The following PWWP3A variants were observed in gnomAD, a reference collection of about 807,000 sequenced individuals.
The protein encoded by PWWP3A is PWWP domain-containing DNA repair factor 3A.
In PWWP3A, 53 loss-of-function variants were observed where a neutral mutation model predicts 79.0. The observed-to-expected ratio is 0.67, with a 90% confidence interval of 0.54 to 0.84. The LOEUF is 0.84. PWWP3A is among the 40% of genes least tolerant of loss of function. The pLI is 0.00. For synonymous variants in PWWP3A, 443 were observed against 394.4 expected (o/e 1.12, Z -1.46); for missense variants, 973 against 948.0 (o/e 1.03, Z -0.35).
chr19:1,363,577 C>T (rs1252385075), intron 6 of PWWP3A, among the ~76,000 whole-genome samples: 2 of 152,230 alleles, frequency 1.3e-5, no homozygotes, highest in South Asian at 2.1e-4. Context: ...GAGGCTGGTG[C>T]TGCCTGGCTT....
At chr19:1,356,492 TTCGGGTGACAA>T in intron 2 of PWWP3A, 43 bp downstream of exon 2, 1 of 1,591,468 alleles carries the variant, frequency 6.3e-7, no homozygotes, top group Non-Finnish European at 8.6e-7. Context: ...AGAAATGACT[TTCGGGTGACAA>T]GTAAAATCTT....
At chr19:1,356,640 CT>C (rs957637541) in intron 2 of PWWP3A, among the ~76,000 whole-genome samples, 191 bp downstream of exon 2, 12 of 132,600 alleles carry the variant, frequency 9.0e-5, no homozygotes, top group South Asian at 2.4e-4. Flanking sequence ...CCAGAAATGT[CT>C]TTTTTTTTTC....
chr19:1,366,747 CT>C (rs2082137513), intron 8 of PWWP3A, among the ~76,000 whole-genome samples: 1 of 152,266 alleles, frequency 6.6e-6, no homozygotes, highest in Non-Finnish European at 1.5e-5. Flanking sequence ...GAGTTTGCCC[CT>C]GGGTTACCTG....
In PWWP3A at chr19:1,368,361, T is replaced by C. The variant is rs1023832172; in HGVS notation, c.1423-904T>C. ...GAGAGCACAGGGTGCCCGCTTCTTC[T>C]TCCTAAGAGTGCGCTCACATCTGCT... On this transcript the variant is annotated intron_variant, in intron 9 of 13. Transcript: ENST00000591337. The surrounding 1 kb of genome is among the most constrained non-coding windows in gnomAD (Gnocchi z 4.7). Among the ~76,000 whole-genome samples the C allele has an allele frequency of 2.0e-5, 3 of 152,148 alleles. No individual in the cohort carries two copies. Among genetic ancestry groups the C allele is most frequent in the African/African-American group, 7.2e-5 (3 of 41,422 alleles).
intron 6 of PWWP3A, 121 bp downstream of exon 6, chr19:1,362,472 C>T: frequency 1.4e-6 from 1 of 710,534 alleles, no homozygotes; most frequent in Non-Finnish European, 2.3e-6. Flanking sequence ...CATTTCTCTC[C>T]CACTGAACCG....
Position 1,360,646 on chromosome 19 carries a change from A to G in PWWP3A, c.725A>G (p.Asp242Gly). 6.2e-7 allele frequency: 1 copy of G among 1,613,410 alleles called. No individual in the cohort carries two copies. Among genetic ancestry groups the G allele is most frequent in the Non-Finnish European group, 8.5e-7 (1 of 1,179,528 alleles). ...CTTTCAGAGGACGACACGGAGAGAGACATGGGGAGCAAAGGAGGCAGCTGG... is the reference window on the plus strand; with the variant it reads ...CTTTCAGAGGACGACACGGAGAGAGGCATGGGGAGCAAAGGAGGCAGCTGG... ...SSLSEDDTERDMGSKGGSWAA... is the reference protein window; with the variant it reads ...SSLSEDDTERGMGSKGGSWAA... Residue 242 changes from aspartate to glycine, a missense_variant, in exon 5 of 14, where the codon GAC (aspartate) becomes GGC (glycine). Asp to Gly is a moderately conservative substitution (Grantham distance 94). Coordinates refer to ENST00000591337, the MANE Select transcript of PWWP3A (RefSeq NM_001369789.1). The surrounding 1 kb of genome is among the most constrained non-coding windows in gnomAD (Gnocchi z 4.4).
chr19:1,372,010 TG>T (rs1172845388), intron 12 of PWWP3A: 1 of 153,242 alleles, frequency 6.5e-6, no homozygotes, highest in Non-Finnish European at 1.5e-5. Flanking sequence ...TTCACCATGT[TG>T]GCCAGGATGA....
At position 1,376,581 on chromosome 19, in the gene PWWP3A, G is replaced by GCAGC. The variant is rs762622833; in HGVS notation, c.*7_*10dup. 47 of 1,613,276 alleles carry GCAGC rather than the reference G, an allele frequency of 2.9e-5. 1 individual carries two copies. In the Middle Eastern group the frequency reaches 1.5e-3, roughly 51 times the overall value. Reference sequence around the variant, plus strand: ...CGGAACCGGCGCCGTCGGTGAGGGAGCAGCCGGCTGTGCTGTCAGCGGGGC... The same window carrying GCAGC: ...CGGAACCGGCGCCGTCGGTGAGGGAGCAGCCAGCCGGCTGTGCTGTCAGCGGGGC... On this transcript the variant is annotated 3_prime_UTR_variant, in exon 14 of 14. Coordinates refer to ENST00000591337, the MANE Select transcript of PWWP3A (RefSeq NM_001369789.1).
intron 13 of PWWP3A, among the ~76,000 whole-genome samples, chr19:1,375,440 T>TAG (rs1416531660): frequency 1.5e-5 from 2 of 132,132 alleles, no homozygotes; most frequent in African/African-American, 5.8e-5. Flanking sequence ...TATATAGCCA[T>TAG]ATATATTTAT....
At chr19:1,364,011 T>C (rs970025674) in intron 6 of PWWP3A, 4 of 367,716 alleles carry the variant, frequency 1.1e-5, no homozygotes, top group Non-Finnish European at 2.2e-5. Context: ...CATTCATAAA[T>C]AGTTTCTAGT....
At position 1,375,116 on chromosome 19, in the gene PWWP3A, A is replaced by G. The variant is rs2082337346; in HGVS notation, c.2076-1403A>G. ...CGCCTATAGTCAGTCCCAGCTACTC[A>G]GCAGGCTGAGGCAGGGGAATCGCTT... On this transcript the variant is annotated intron_variant, in intron 13 of 13. Coordinates refer to ENST00000591337, the MANE Select transcript of PWWP3A (RefSeq NM_001369789.1). 2.0e-5 allele frequency among the ~76,000 whole-genome samples: 3 copies of G among 151,114 alleles called. 1 individual carries two copies. The South Asian group carries it at 6.3e-4, about 31-fold the overall frequency.
Position 1,358,431 on chromosome 19 carries a change from A to G in PWWP3A, c.181A>G (p.Lys61Glu). Residue 61 changes from lysine (K) to glutamate (E), a missense_variant, in exon 4 of 14, where the codon AAG becomes GAG. Lys to Glu is a moderately conservative substitution (Grantham distance 56). Transcript: ENST00000591337. The part of the protein sequence containing the change: ...VKSTEVEILE[K>E]SQIEAIASSL... Reference sequence around the variant, plus strand: ...AAGCACTGAAGTTGAGATCCTAGAGAAGTCTCAAATTGAAGCCATTGCTTC... The same window carrying G: ...AAGCACTGAAGTTGAGATCCTAGAGGAGTCTCAAATTGAAGCCATTGCTTC... 1 of 1,614,144 alleles carries G rather than the reference A, an allele frequency of 6.2e-7. No homozygotes were observed. The highest frequency in any genetic ancestry group is 8.5e-7 in the Non-Finnish European group (1 of 1,180,020).
At chr19:1,364,259 C>T in intron 6 of PWWP3A, 1 of 646,582 alleles carries the variant, frequency 1.5e-6, no homozygotes, top group Non-Finnish European at 2.9e-6. Flanking sequence ...TTTGTCGCAG[C>T]TGGGAACCCA....
rs8101280 is a variant in PWWP3A, at chr19:1,368,930, A to T, written c.1423-335A>T. The stretch of plus-strand genomic sequence containing the variant: ...ACCTGCGTTCAGACCAGCCCAAGCC[A>T]TCGGGTCCCCGGTGCCCACCTGCGT... On this transcript the variant is annotated intron_variant, in intron 9 of 13. Transcript: ENST00000591337. The surrounding 1 kb of genome is among the most constrained non-coding windows in gnomAD (Gnocchi z 4.7). Among the ~76,000 whole-genome samples, 35 of 132,388 alleles carry T rather than the reference A, an allele frequency of 2.6e-4. No homozygotes were observed. Among genetic ancestry groups the T allele is most frequent in the African/African-American group, 7.6e-4 (26 of 34,388 alleles). 86.9% of individuals were successfully genotyped at this position (132,388 alleles called of 152,430 possible).
rs777717842 is a variant in PWWP3A, at chr19:1,369,698, G to C, written c.1549+52G>C. On this transcript the variant is annotated intron_variant, in intron 11 of 13. Transcript: ENST00000591337. The surrounding 1 kb of genome is among the most constrained non-coding windows in gnomAD (Gnocchi z 4.0). ...ATGTGGTTTGCCTTTTAGCCCTTTA[G>C]AAAAACAATCTTCTATGTCTGAAGC... 1 of 1,588,772 alleles carries C rather than the reference G, an allele frequency of 6.3e-7. No homozygotes were observed. The highest frequency in any genetic ancestry group is 8.6e-7 in the Non-Finnish European group (1 of 1,156,864).
chr19:1,370,525 G>A (rs1026241652), intron 11 of PWWP3A, 117 bp from the exon 12 acceptor site: 16 of 912,934 alleles, frequency 1.8e-5, no homozygotes, highest in African/African-American at 1.0e-4. Context: ...CACGGAGCTC[G>A]ATCGCTAGGG....
In PWWP3A at chr19:1,364,506, T is replaced by C. The variant is rs775947217; in HGVS notation, c.1214-3T>C. On this transcript the variant is annotated splice_region_variant and splice_polypyrimidine_tract_variant and intron_variant, in intron 6 of 13. Coordinates refer to ENST00000591337, the MANE Select transcript of PWWP3A (RefSeq NM_001369789.1). ...TTTGTTTTTCTTTTTTCTTTAATTC[T>C]AGAACCACGTTCGTTTGAAGTAGGA... is the stretch of plus-strand genomic sequence containing the variant. 6.3e-7 allele frequency: 1 copy of C among 1,592,734 alleles called. No homozygotes were observed. The highest frequency in any genetic ancestry group is 1.2e-5 in the South Asian group (1 of 86,264).
Position 1,369,290 on chromosome 19 carries a change from A to G in PWWP3A, c.1448A>G (p.Gln483Arg). 1 of 1,614,104 alleles carries G rather than the reference A, an allele frequency of 6.2e-7. No homozygotes were observed. Among genetic ancestry groups the G allele is most frequent in the Non-Finnish European group, 8.5e-7 (1 of 1,180,010 alleles). ...LLNQAREDFN[Q>R]DIGWCVSLIT... ...AATCAAGCCAGGGAGGACTTCAACC[A>G]GGACATCGGCTGGTGTGTCTCCCTC... Residue 483 changes from glutamine to arginine, a missense_variant, in exon 10 of 14, where the codon CAG becomes CGG. Physicochemically the swap from Gln to Arg is conservative, Grantham distance 43 (BLOSUM62 1). Coordinates refer to ENST00000591337, the MANE Select transcript of PWWP3A (RefSeq NM_001369789.1). This position sits in a 1 kb window ranked among gnomAD's most constrained non-coding sequence, Gnocchi z 4.0.
At position 1,364,988 on chromosome 19, in the gene PWWP3A, C is replaced by T. The variant is rs1022692885; in HGVS notation, c.1284+409C>T. ...ACAAAAAATTAGCCGGGCGTGGTGG[C>T]GTGCGCCTGTAATCCCAGCTACTCG... On this transcript the variant is annotated intron_variant, in intron 7 of 13. Coordinates refer to ENST00000591337, the MANE Select transcript of PWWP3A (RefSeq NM_001369789.1). Among the ~76,000 whole-genome samples, 4 of 152,032 alleles carry T rather than the reference C, an allele frequency of 2.6e-5. 1 individual carries two copies. The highest frequency in any genetic ancestry group is 7.3e-5 in the African/African-American group (3 of 41,364).
Sources: gnomAD v4.1 joint callset for allele counts (sites outside exome capture counted in the v4.1 genomes callset) on GRCh38, gnomAD v4.1.1 for gene constraint, Gnocchi (gnomAD v3.1) non-coding constraint, MANE v1.5 for transcripts, NCBI Gene and HGNC (gene_info 2026-07-23, HGNC 2026-07-21) for gene names.